CORO2A: variants seen among roughly 807,000 people sequenced by gnomAD.
CORO2A encodes the protein coronin-2A.
In CORO2A, 47 loss-of-function variants were observed where a neutral mutation model predicts 62.4. That is an observed-to-expected ratio of 0.75 (90% CI 0.60 to 0.96). CORO2A has a LOEUF of 0.96. Among genes scored for constraint, CORO2A ranks in the 40% least tolerant of loss-of-function variants. The pLI is 0.00. For synonymous variants in CORO2A, 273 were observed against 268.9 expected (o/e 1.02, Z -0.15); for missense variants, 610 against 684.1 (o/e 0.89, Z 1.21).
chr9:98,166,222 A>C (rs1201010991), intron 1 of CORO2A, among the ~76,000 whole-genome samples: 3 of 152,236 alleles, frequency 2.0e-5, no homozygotes, highest in Non-Finnish European at 4.4e-5. Context: ...CTCAAAATGC[A>C]ACAAAGACCT....
At chr9:98,166,949 A>G (rs1304937390) in intron 1 of CORO2A, among the ~76,000 whole-genome samples, 10 of 151,692 alleles carry the variant, frequency 6.6e-5, no homozygotes. Context: ...AGAAATAAAA[A>G]AAAAATTAGC....
intron 1 of CORO2A, among the ~76,000 whole-genome samples, chr9:98,177,954 G>C (rs1464951405): frequency 6.6e-6 from 1 of 152,180 alleles, no homozygotes; most frequent in Non-Finnish European, 1.5e-5. Context: ...GCTTGTCACT[G>C]TTTTTGTCCT....
chr9:98,165,677 T>A (rs896475891), intron 1 of CORO2A, among the ~76,000 whole-genome samples: 1 of 152,196 alleles, frequency 6.6e-6, no homozygotes, highest in Non-Finnish European at 1.5e-5. Flanking sequence ...GATTACTGGG[T>A]GGGGGACCCA....
At chr9:98,129,573 G>A (rs1260891310) in intron 8 of CORO2A, among the ~76,000 whole-genome samples, 2 of 152,196 alleles carry the variant, frequency 1.3e-5, no homozygotes, top group South Asian at 2.1e-4. Flanking sequence ...TTCCTCCAAT[G>A]TTGCCTCCTC....
intron 1 of CORO2A, among the ~76,000 whole-genome samples, chr9:98,165,680 G>A (rs1827949626): frequency 6.6e-6 from 1 of 152,202 alleles, no homozygotes; most frequent in Non-Finnish European, 1.5e-5. Flanking sequence ...TACTGGGTGG[G>A]GGACCCAGAT....
intron 1 of CORO2A, among the ~76,000 whole-genome samples, chr9:98,180,149 C>T (rs1828159669): frequency 6.6e-6 from 1 of 152,216 alleles, no homozygotes; most frequent in South Asian, 2.1e-4. Flanking sequence ...CTGCACCTAC[C>T]TCCCTGCCCT....
intron 1 of CORO2A, among the ~76,000 whole-genome samples, chr9:98,184,409 T>G (rs1244381634): frequency 6.6e-6 from 1 of 152,180 alleles, no homozygotes; most frequent in Non-Finnish European, 1.5e-5. Context: ...TAGCTTGATG[T>G]CTGTCTGAAT....
At chr9:98,163,768 G>GAGAGAA (rs1554746147) in intron 1 of CORO2A, among the ~76,000 whole-genome samples, 2,552 of 146,884 alleles carry the variant, frequency 0.017, 21 homozygotes, top group South Asian at 0.04. Flanking sequence ...GAGAGAGAGA[G>GAGAGAA]AGAGAGAAAG....
intron 1 of CORO2A, among the ~76,000 whole-genome samples, chr9:98,167,207 T>C (rs1827973527): frequency 6.6e-6 from 1 of 152,110 alleles, no homozygotes; most frequent in South Asian, 2.1e-4. Flanking sequence ...ACAAGCCAGT[T>C]ACAAAAAGAC....
At chr9:98,148,338 T>C (rs34709283) in intron 2 of CORO2A, among the ~76,000 whole-genome samples, 17,986 of 143,570 alleles carry the variant, frequency 0.13, 1,431 homozygotes, top group Middle Eastern at 0.19. Flanking sequence ...GAGGCTTCAG[T>C]GAGCCAATAT....
chr9:98,179,429 C>G (rs1261033163), intron 1 of CORO2A, among the ~76,000 whole-genome samples: 1 of 152,198 alleles, frequency 6.6e-6, no homozygotes, highest in Non-Finnish European at 1.5e-5. Flanking sequence ...TCTCATCCTC[C>G]CCATCTTCCA....
intron 1 of CORO2A, among the ~76,000 whole-genome samples, chr9:98,168,236 G>A (rs1246314416): frequency 1.3e-5 from 2 of 152,250 alleles, no homozygotes; most frequent in African/African-American, 2.4e-5. Context: ...CCAATGAACA[G>A]TGTAATTAAA....
intron 8 of CORO2A, among the ~76,000 whole-genome samples, chr9:98,129,200 TG>T (rs1827370620): frequency 6.6e-6 from 1 of 152,180 alleles, no homozygotes; most frequent in African/African-American, 2.4e-5. Flanking sequence ...CTGGATTAGC[TG>T]AACTTTTATA....
At chr9:98,129,689 C>G in intron 8 of CORO2A, 105 bp downstream of exon 8, 1 of 829,202 alleles carries the variant, frequency 1.2e-6, no homozygotes, top group Non-Finnish European at 2.1e-6. Flanking sequence ...TCTGACTCAT[C>G]CCTGTCTCCC....
chr9:98,127,971 T>C (rs1827350562), intron 10 of CORO2A, among the ~76,000 whole-genome samples, 199 bp downstream of exon 10: 1 of 152,122 alleles, frequency 6.6e-6, no homozygotes, highest in African/African-American at 2.4e-5. Flanking sequence ...TGGAGTTTTC[T>C]GAGCTCTTGG....
chr9:98,149,946 T>C (rs566368449), intron 2 of CORO2A, among the ~76,000 whole-genome samples: 1 of 117,436 alleles, frequency 8.5e-6, no homozygotes, highest in East Asian at 3.1e-4. Flanking sequence ...TTTTTTTTTT[T>C]TGAGAGAGTC....
chr9:98,133,273 T>C (rs1027244335), intron 4 of CORO2A, 56 bp from the exon 5 acceptor site: 5 of 1,551,630 alleles, frequency 3.2e-6, no homozygotes, highest in Non-Finnish European at 4.4e-6. Flanking sequence ...CTGGGCCTCA[T>C]AGTTACATGC....
chr9:98,189,836 A>G (rs767371180), intron 1 of CORO2A, among the ~76,000 whole-genome samples: 6 of 152,104 alleles, frequency 3.9e-5, no homozygotes, highest in Non-Finnish European at 5.9e-5. Flanking sequence ...TGAAATGTTT[A>G]TTAAGCCTCA....
At chr9:98,156,681 G>C (rs148395322) in intron 2 of CORO2A, among the ~76,000 whole-genome samples, 247 of 152,302 alleles carry the variant, frequency 1.6e-3, no homozygotes, top group African/African-American at 5.8e-3. Context: ...TCCTCTGGGG[G>C]TCTAAGTCTG....
Sources: allele counts gnomAD v4.1 joint callset (sites outside exome capture counted in the v4.1 genomes callset), GRCh38; gene constraint gnomAD v4.1.1; transcripts MANE v1.5; gene names NCBI Gene and HGNC (gene_info 2026-07-23, HGNC 2026-07-21).